RAD51B: variants seen among roughly 807,000 people sequenced by gnomAD.
The protein encoded by RAD51B is RAD51 paralog B.
RAD51B carries 38 observed loss-of-function variants against 42.2 expected under a neutral mutation model. That is an observed-to-expected ratio of 0.90 (90% CI 0.70 to 1.18). The LOEUF (loss-of-function observed/expected upper bound fraction) is 1.18, where lower values mean the gene tolerates loss of function less well. Ranked by LOEUF, RAD51B falls within the 50% of genes most tolerant of loss-of-function variation. RAD51B has a pLI of 0.00. For missense variants in RAD51B, 373 were observed against 400.7 expected (o/e 0.93, Z 0.59); for synonymous variants, 154 against 145.2 (o/e 1.06, Z -0.43).
intron 9 of RAD51B, among the ~76,000 whole-genome samples, chr14:68,448,389 G>GA (rs2085473035): frequency 1.3e-5 from 2 of 152,154 alleles, no homozygotes; most frequent in East Asian, 3.8e-4. Flanking sequence ...GCAAGGAAGC[G>GA]AGTGTTTTTT....
At chr14:68,520,616 C>T (rs896655432) in intron 10 of RAD51B, among the ~76,000 whole-genome samples, 1 of 152,104 alleles carries the variant, frequency 6.6e-6, no homozygotes, top group African/African-American at 2.4e-5. Context: ...TATTTTTTGC[C>T]AGGTTTCATG....
chr14:68,291,432 C>T (rs1483537636), intron 7 of RAD51B, among the ~76,000 whole-genome samples: 1 of 151,680 alleles, frequency 6.6e-6, no homozygotes, highest in Non-Finnish European at 1.5e-5. Flanking sequence ...AAACTCCTGA[C>T]CTTAGGTGAT....
At chr14:68,314,816 T>G (rs1186752664) in intron 8 of RAD51B, among the ~76,000 whole-genome samples, 1 of 152,096 alleles carries the variant, frequency 6.6e-6, no homozygotes, top group African/African-American at 2.4e-5. Context: ...ACTGGAACCA[T>G]GGGTTCTTAA....
chr14:68,617,717 C>T (rs768801945), intron 10 of RAD51B, among the ~76,000 whole-genome samples: 1 of 152,222 alleles, frequency 6.6e-6, no homozygotes, highest in Admixed American at 6.5e-5. Context: ...TCATTTACCA[C>T]ATGTATTTTC....
At chr14:68,399,040 A>G (rs999772737) in intron 8 of RAD51B, among the ~76,000 whole-genome samples, 2 of 152,158 alleles carry the variant, frequency 1.3e-5, no homozygotes, top group Non-Finnish European at 2.9e-5. Flanking sequence ...TTAACAGATG[A>G]TTCTGATGTA....
chr14:68,532,688 CTGTT>C (rs375002049), intron 10 of RAD51B, among the ~76,000 whole-genome samples: 54 of 152,278 alleles, frequency 3.5e-4, no homozygotes, highest in African/African-American at 1.3e-3. Context: ...GTTACACAAA[CTGTT>C]TGAGAGTGTA....
intron 7 of RAD51B, chr14:67,908,456 T>G (rs1595091945): frequency 6.6e-6 from 1 of 152,288 alleles, no homozygotes; most frequent in Non-Finnish European, 1.5e-5. Flanking sequence ...TGTACTTTTT[T>G]GTTTTTTAGG....
intron 8 of RAD51B, chr14:68,387,187 G>A (rs771025616): frequency 1.3e-4 from 20 of 152,184 alleles, no homozygotes; most frequent in Non-Finnish European, 2.9e-4. Flanking sequence ...GAAGCAGGAG[G>A]TATGTTGGCT....
chr14:67,969,305 A>G (rs1213814627), intron 7 of RAD51B, among the ~76,000 whole-genome samples: 2 of 152,260 alleles, frequency 1.3e-5, no homozygotes, highest in Non-Finnish European at 2.9e-5. Context: ...CTTAAAAATT[A>G]GACTGTCTTA....
At chr14:68,234,165 G>A (rs2080200675) in intron 7 of RAD51B, among the ~76,000 whole-genome samples, 1 of 152,182 alleles carries the variant, frequency 6.6e-6, no homozygotes, top group South Asian at 2.1e-4. Context: ...ATACAGGGGT[G>A]GGTGTTTGAG....
Position 68,528,341 on chromosome 14 carries a change from G to C in RAD51B, c.1036+60091G>C, listed in dbSNP as rs77124291. ...TACAGTAATAATTAACTCAGATTTT[G>C]GGCATAATTATTTTCCCTTCTTCCT... On this transcript the variant is annotated intron_variant, in intron 10 of 10. Transcript: ENST00000487270. Among the ~76,000 whole-genome samples the C allele has an allele frequency of 7.1e-3, 1,086 of 152,208 alleles. 18 individuals carry two copies. The highest frequency in any genetic ancestry group is 0.024 in the African/African-American group (1,010 of 41,532).
chr14:68,424,357 T>C (rs769584277), intron 9 of RAD51B, among the ~76,000 whole-genome samples: 33 of 152,236 alleles, frequency 2.2e-4, no homozygotes, highest in Non-Finnish European at 3.7e-4. Context: ...CAAAACTCTC[T>C]AGCAGTACTA....
intron 5 of RAD51B, among the ~76,000 whole-genome samples, chr14:67,881,208 G>C (rs751111469): frequency 1.3e-5 from 2 of 152,150 alleles, no homozygotes; most frequent in African/African-American, 4.8e-5. Flanking sequence ...CTGAAATGTC[G>C]TTATGCAGCA....
chr14:68,284,025 G>T (rs764665864), intron 7 of RAD51B, among the ~76,000 whole-genome samples: 11 of 152,314 alleles, frequency 7.2e-5, no homozygotes, highest in Admixed American at 2.0e-4. Flanking sequence ...AAGCTGAGGA[G>T]ATTTTTTTTC....
At chr14:67,855,116 T>A (rs1207533975) in intron 4 of RAD51B, among the ~76,000 whole-genome samples, 3 of 152,210 alleles carry the variant, frequency 2.0e-5, no homozygotes, top group Admixed American at 2.0e-4. Context: ...GCCAGGATGG[T>A]CTCGATCTCC....
chr14:68,004,692 C>T (rs12437178), intron 7 of RAD51B, among the ~76,000 whole-genome samples: 35,439 of 151,876 alleles, frequency 0.23, 4,777 homozygotes, highest in Middle Eastern at 0.38. Flanking sequence ...TCTCATGTAA[C>T]CAGAATCCAG....
intron 11 of RAD51B, among the ~76,000 whole-genome samples, chr14:68,666,633 G>A (rs972675774): frequency 3.9e-5 from 6 of 152,134 alleles, no homozygotes; most frequent in Non-Finnish European, 4.4e-5. Context: ...ATTGAGTTTC[G>A]TTTTTGTTAC....
rs35217922 is a variant in RAD51B at position 68,311,036 on chromosome 14, C to T, written c.853+19056C>T. Among the ~76,000 whole-genome samples the T allele has an allele frequency of 7.4e-3, 1,120 of 151,926 alleles. 10 individuals are homozygous for T. The highest frequency in any genetic ancestry group is 0.024 in the African/African-American group (976 of 41,414). On this transcript the variant is annotated intron_variant, in intron 8 of 10. Transcript: ENST00000471583. ...AGTGGAGGGATGCAGAGTAGATTGT[C>T]GGTGCCATGTCTACGTTGTTAACTG...
Position 68,617,868 on chromosome 14 carries a change from G to C in RAD51B, c.1037-32913G>C, listed in dbSNP as rs995783830. 2.0e-5 allele frequency among the ~76,000 whole-genome samples: 3 copies of C among 152,126 alleles called. No homozygotes were observed. The South Asian group carries it at 6.2e-4, about 31-fold the overall frequency. The stretch of plus-strand genomic sequence containing the variant: ...GGCCAACCTCTATATTTTTCATCCA[G>C]GCCTGCGGGGTCATCCTCTTTGGCT... On this transcript the variant is annotated intron_variant, in intron 10 of 11. Transcript: ENST00000488612.
Sources: gnomAD v4.1 joint callset for allele counts (sites outside exome capture counted in the v4.1 genomes callset) on GRCh38, gnomAD v4.1.1 for gene constraint, MANE v1.5 for transcripts, NCBI Gene and HGNC (gene_info 2026-07-23, HGNC 2026-07-21) for gene names.